CPS1: variants seen among roughly 807,000 people sequenced by gnomAD.
CPS1 encodes the protein carbamoyl-phosphate synthase [ammonia], mitochondrial.
Under a neutral mutation model 174.6 loss-of-function variants are expected in CPS1, and 109 were observed. That is an observed-to-expected ratio of 0.62 (90% CI 0.53 to 0.73). The LOEUF (loss-of-function observed/expected upper bound fraction) is 0.73. Ranked by LOEUF, CPS1 falls within the 30% of genes least tolerant of loss-of-function variation. The pLI is 0.00. For synonymous variants in CPS1, 637 were observed against 632.0 expected (o/e 1.01, Z -0.12); for missense variants, 1,689 against 1,821.9 (o/e 0.93, Z 1.33).
At chr2:210,605,380 G>C in intron 17 of CPS1, 134 bp downstream of exon 17, 2 of 969,482 alleles carry the variant, frequency 2.1e-6, no homozygotes, top group Non-Finnish European at 3.2e-6. Context: ...TTTTGGACAA[G>C]CATAGTATTT....
intron 33 of CPS1, among the ~76,000 whole-genome samples, chr2:210,663,643 C>A (rs1700995070): frequency 6.6e-6 from 1 of 151,590 alleles, no homozygotes; most frequent in Non-Finnish European, 1.5e-5. Context: ...TCTGCAGATA[C>A]ATGCAAAATT....
rs767908915 is a variant in CPS1 at position 210,677,994 on chromosome 2, A to T, written c.*9A>T. On this transcript the variant is annotated 3_prime_UTR_variant, in exon 38 of 38. Transcript: ENST00000233072. ...CTGGAAAAGCAGCATAGAGATGCAGACACCCCAGCCCCATTATTAAATCAA... is the reference window on the plus strand; with the variant it reads ...CTGGAAAAGCAGCATAGAGATGCAGTCACCCCAGCCCCATTATTAAATCAA... 1 of 1,593,738 alleles carries T rather than the reference A, an allele frequency of 6.3e-7. No individual in the cohort carries two copies. Among genetic ancestry groups the T allele is most frequent in the Non-Finnish European group, 8.6e-7 (1 of 1,161,542 alleles).
At chr2:210,647,780 A>G (rs1489995280) in intron 25 of CPS1, 83 bp from the exon 26 acceptor site, 5 of 1,462,376 alleles carry the variant, frequency 3.4e-6, no homozygotes, top group African/African-American at 2.8e-5. Flanking sequence ...AATTATCAGT[A>G]AGGAAATAGA....
intron 1 of CPS1, among the ~76,000 whole-genome samples, chr2:210,487,852 G>A (rs1694770289): frequency 6.6e-6 from 1 of 152,152 alleles, no homozygotes; most frequent in Non-Finnish European, 1.5e-5. Flanking sequence ...GAACAGTTTA[G>A]CATCAGTGAA....
chr2:210,480,738 T>G (rs1397285363), intron 1 of CPS1, among the ~76,000 whole-genome samples: 2 of 152,190 alleles, frequency 1.3e-5, no homozygotes, highest in African/African-American at 4.8e-5. Flanking sequence ...TAAGTACCAC[T>G]TGTCTCTTTT....
At chr2:210,587,226 C>G (rs546903788) in intron 6 of CPS1, among the ~76,000 whole-genome samples, 1 of 152,138 alleles carries the variant, frequency 6.6e-6, no homozygotes, top group South Asian at 2.1e-4. Context: ...ACTGTTCTTT[C>G]AAATACTCAG....
In CPS1 at chr2:210,608,550, T is replaced by C. The variant is rs779976619; in HGVS notation, c.2382T>C (p.Ser794=). ...GCCGAATTGGTAGCTCTATGAAAAG[T>C]GTAGGAGAGGTGAGTCCTTGGTTTA... ...TSSRIGSSMK[S]VGEVMAIGRT... Residue 794 remains serine, a synonymous_variant, in exon 19 of 38, where the codon AGT becomes AGC. Coordinates refer to ENST00000233072, the MANE Select transcript of CPS1 (RefSeq NM_001875.5). The C allele has an allele frequency of 1.9e-6, 3 of 1,611,678 alleles. No individual in the cohort carries two copies. Among genetic ancestry groups the C allele is most frequent in the Admixed American group, 3.3e-5 (2 of 59,812 alleles).
chr2:210,639,090 A>T, intron 22 of CPS1, 60 bp from the exon 23 acceptor site: 1 of 1,373,966 alleles, frequency 7.3e-7, no homozygotes, highest in Non-Finnish European at 1.0e-6. Context: ...CAAAAAATTT[A>T]GTCTTGAAAA....
chr2:210,549,513 TGTTA>T (rs1359599039), intron 1 of CPS1, among the ~76,000 whole-genome samples: 2 of 152,102 alleles, frequency 1.3e-5, no homozygotes, highest in African/African-American at 2.4e-5. Context: ...TTTGTGTAAT[TGTTA>T]GTTTCTTTAC....
rs59178446 is a variant in CPS1 at position 210,497,893 on chromosome 2, CATATATAT to C, written c.3+20146_3+20153del. ...TTTTTGGTAGAACAATATATACATA[CATATATAT>C]ATATATATATATATATATCTCCAGT... On this transcript the variant is annotated intron_variant, in intron 1 of 38. Transcript: ENST00000430249. Among the ~76,000 whole-genome samples, 54 of 86,942 alleles carry C rather than the reference CATATATAT, an allele frequency of 6.2e-4. 1 individual carries two copies. The East Asian group carries it at 8.3e-3, about 13-fold the overall frequency. 57.0% of individuals were successfully genotyped at this position (86,942 alleles called of 152,430 possible).
intron 1 of CPS1, among the ~76,000 whole-genome samples, chr2:210,486,137 CACACACACACACACACACACA>C (rs1559731052): frequency 9.6e-6 from 1 of 104,034 alleles, no homozygotes; most frequent in Non-Finnish European, 2.0e-5. Flanking sequence ...CACACACACA[CACACACACACACACACACACA>C]CCCTGTATAT....
At chr2:210,649,663 G>A (rs1700500844) in intron 27 of CPS1, among the ~76,000 whole-genome samples, 1 of 152,030 alleles carries the variant, frequency 6.6e-6, no homozygotes, top group African/African-American at 2.4e-5. Context: ...GTGTAAAAGA[G>A]GTAAATGCTG....
intron 1 of CPS1, among the ~76,000 whole-genome samples, chr2:210,478,398 C>T (rs1039091549): frequency 1.3e-5 from 2 of 152,136 alleles, no homozygotes; most frequent in African/African-American, 4.8e-5. Flanking sequence ...CCTTCATATA[C>T]CTGTTAGACA....
At chr2:210,651,526 T>C (rs1700558261) in intron 28 of CPS1, among the ~76,000 whole-genome samples, 1 of 152,232 alleles carries the variant, frequency 6.6e-6, no homozygotes. Flanking sequence ...GGTCCTGCCA[T>C]GCGGCCCTTT....
chr2:210,530,652 G>A (rs111468596), intron 1 of CPS1, among the ~76,000 whole-genome samples: 2,427 of 152,138 alleles, frequency 0.016, 52 homozygotes, highest in African/African-American at 0.05. Flanking sequence ...GGTGGTAGTC[G>A]TGAGTGGCAG....
intron 5 of CPS1, among the ~76,000 whole-genome samples, chr2:210,582,330 G>A (rs1697950554): frequency 6.6e-6 from 1 of 152,048 alleles, no homozygotes; most frequent in Non-Finnish European, 1.5e-5. Context: ...ATTTGCATCA[G>A]CCTGGAGCCT....
intron 1 of CPS1, among the ~76,000 whole-genome samples, chr2:210,509,504 C>G (rs1045020773): frequency 6.6e-6 from 1 of 152,138 alleles, no homozygotes; most frequent in Non-Finnish European, 1.5e-5. Flanking sequence ...CACTCCTATT[C>G]AACATAGTGT....
rs115985030 is a variant in CPS1 at position 210,661,542 on chromosome 2, A to G, written c.3927+887A>G. Among the ~76,000 whole-genome samples, 947 of 152,256 alleles carry G rather than the reference A, an allele frequency of 6.2e-3. 13 individuals carry two copies. Among genetic ancestry groups the G allele is most frequent in the African/African-American group, 0.022 (901 of 41,540 alleles). On this transcript the variant is annotated intron_variant, in intron 32 of 37. Coordinates refer to ENST00000233072, the MANE Select transcript of CPS1 (RefSeq NM_001875.5). ...CAGACTTGGACTTTTGACTTTTATG[A>G]TGGGAACTTTAAGTTGAAGTTGTGA...
chr2:210,481,401 C>T (rs1220137945), intron 1 of CPS1, among the ~76,000 whole-genome samples: 2 of 152,122 alleles, frequency 1.3e-5, no homozygotes, highest in Non-Finnish European at 2.9e-5. Flanking sequence ...GAAAGTATCC[C>T]CTTCTGGAGG....
Sources: allele counts gnomAD v4.1 joint callset (sites outside exome capture counted in the v4.1 genomes callset), GRCh38; gene constraint gnomAD v4.1.1; transcripts MANE v1.5; gene names NCBI Gene and HGNC (gene_info 2026-07-23, HGNC 2026-07-21).